Variants in SMARCC1 observed in about 807,000 individuals in gnomAD.
SMARCC1 encodes SWI/SNF complex subunit SMARCC1.
SMARCC1 carries 43 observed loss-of-function variants against 147.4 expected under a neutral mutation model. The observed-to-expected ratio is 0.29, with a 90% CI of 0.23 to 0.38. The LOEUF is 0.38. Ranked by LOEUF, SMARCC1 falls within the 10% of genes least tolerant of loss-of-function variation. The probability of loss-of-function intolerance (pLI) is 1.00; values close to 1 mark genes in which losing one functional copy is unlikely to be tolerated. For missense variants in SMARCC1, 1,119 were observed against 1,381.1 expected (o/e 0.81, Z 3.01); for synonymous variants, 495 against 484.4 (o/e 1.02, Z -0.29).
intron 5 of SMARCC1, among the ~76,000 whole-genome samples, chr3:47,733,193 G>C (rs1317037154): frequency 6.6e-6 from 1 of 152,206 alleles, no homozygotes; most frequent in African/African-American, 2.4e-5. Context: ...CATAATGTAA[G>C]CACATGCTGT....
intron 26 of SMARCC1, among the ~76,000 whole-genome samples, chr3:47,592,234 T>C (rs1339929156): frequency 2.6e-5 from 4 of 152,254 alleles, no homozygotes; most frequent in Non-Finnish European, 5.9e-5. Flanking sequence ...AAGAGCCAGA[T>C]AGTAAATATT....
intron 21 of SMARCC1, among the ~76,000 whole-genome samples, chr3:47,656,706 G>A (rs910277592): frequency 6.6e-6 from 1 of 152,118 alleles, no homozygotes; most frequent in Non-Finnish European, 1.5e-5. Context: ...CTTGAGCCAA[G>A]GAGTTCGAGA....
chr3:47,670,612 A>C (rs2033482077), intron 19 of SMARCC1, 46 bp downstream of exon 19: 2 of 1,145,610 alleles, frequency 1.7e-6, no homozygotes, highest in African/African-American at 1.5e-5. Context: ...ATAAAATGCT[A>C]GTCAAAGAAT....
intron 26 of SMARCC1, among the ~76,000 whole-genome samples, chr3:47,594,160 CAA>C (rs35893415): frequency 3.0e-5 from 4 of 133,414 alleles, no homozygotes; most frequent in Non-Finnish European, 3.2e-5. Flanking sequence ...AATGAAACTC[CAA>C]AAAAAAAAAA....
intron 1 of SMARCC1, among the ~76,000 whole-genome samples, chr3:47,775,669 G>A (rs188720003): frequency 5.3e-5 from 8 of 151,518 alleles, no homozygotes; most frequent in African/African-American, 1.9e-4. Context: ...CTACTCAGGC[G>A]GCTGAGGGAG....
chr3:47,654,883 TC>T, intron 21 of SMARCC1, among the ~76,000 whole-genome samples: 1 of 152,090 alleles, frequency 6.6e-6, no homozygotes, highest in Non-Finnish European at 1.5e-5. Flanking sequence ...CCCAAACACC[TC>T]CCAACACCAT....
At chr3:47,716,426 A>C (rs1436386279) in intron 7 of SMARCC1, among the ~76,000 whole-genome samples, 2 of 151,228 alleles carry the variant, frequency 1.3e-5, no homozygotes, top group African/African-American at 2.4e-5. Flanking sequence ...AAAAAAAAAA[A>C]AAAAAAAAAA....
intron 7 of SMARCC1, among the ~76,000 whole-genome samples, chr3:47,720,192 C>T (rs1010684524): frequency 2.0e-5 from 3 of 152,134 alleles, no homozygotes; most frequent in African/African-American, 7.2e-5. Context: ...GGCGCAATCT[C>T]GGCTCACTGA....
intron 9 of SMARCC1, among the ~76,000 whole-genome samples, chr3:47,708,346 G>A (rs888207464): frequency 6.6e-6 from 1 of 151,646 alleles, no homozygotes; most frequent in African/African-American, 2.4e-5. Context: ...TTGCCATGTT[G>A]CCCAGGCTAG....
At chr3:47,757,507 TG>T (rs2034714275) in intron 2 of SMARCC1, among the ~76,000 whole-genome samples, 1 of 152,068 alleles carries the variant, frequency 6.6e-6, no homozygotes, top group Admixed American at 6.6e-5. Flanking sequence ...CCAGGTGTGG[TG>T]GCTCATGCCT....
rs202138987 is a variant in SMARCC1 at position 47,590,668 on chromosome 3, G to A, written c.3213C>T (p.Asn1071=). The change falls in exon 27 of 28, where the codon AAC becomes AAT. Residue 1071 remains asparagine (N), a synonymous_variant. Transcript: ENST00000254480. ...LGPRVPLTAP[N]GMYPPPPQQQ... is the part of the protein sequence containing the mutation. The stretch of plus-strand genomic sequence containing the variant: ...CCCCTCCATGTTACTTACACATGCC[G>A]TTAGGTGCTGTCAGGGGTACCCGGG... The A allele has an allele frequency of 1.0e-5, 16 of 1,539,226 alleles. No individual in the cohort carries two copies. The highest frequency in any genetic ancestry group is 4.2e-5 in the African/African-American group (3 of 70,866).
chr3:47,761,583 G>A (rs1232791478), intron 2 of SMARCC1, among the ~76,000 whole-genome samples: 2 of 151,826 alleles, frequency 1.3e-5, no homozygotes, highest in African/African-American at 2.4e-5. Context: ...GGACCTGATG[G>A]ATGATGACAA....
chr3:47,609,682 A>G (rs2032534917), intron 26 of SMARCC1, among the ~76,000 whole-genome samples: 1 of 152,232 alleles, frequency 6.6e-6, no homozygotes, highest in Non-Finnish European at 1.5e-5. Flanking sequence ...TTCCGTAACA[A>G]AAAGTAAAAG....
At chr3:47,734,958 T>C (rs1284820940) in intron 5 of SMARCC1, among the ~76,000 whole-genome samples, 1 of 152,192 alleles carries the variant, frequency 6.6e-6, no homozygotes, top group Non-Finnish European at 1.5e-5. Context: ...AGTTTCACCA[T>C]GTTGGCCAGG....
intron 11 of SMARCC1, among the ~76,000 whole-genome samples, chr3:47,699,957 G>C (rs1325707989): frequency 2.0e-5 from 3 of 151,638 alleles, no homozygotes; most frequent in Non-Finnish European, 1.5e-5. Context: ...GTTTAGGGCA[G>C]GAGAGATGGT....
intron 16 of SMARCC1, among the ~76,000 whole-genome samples, chr3:47,677,190 C>T (rs2033585246): frequency 6.6e-6 from 1 of 152,018 alleles, no homozygotes; most frequent in Admixed American, 6.6e-5. Context: ...TCCTCCGCAT[C>T]CTTGGTTCAA....
intron 16 of SMARCC1, 95 bp downstream of exon 16, chr3:47,678,103 C>A: frequency 1.7e-6 from 1 of 579,722 alleles, no homozygotes; most frequent in Non-Finnish European, 3.0e-6. Context: ...GTGTTTTACC[C>A]AGTTGAAACA....
chr3:47,738,357 A>C (rs562341593), intron 3 of SMARCC1, among the ~76,000 whole-genome samples: 99 of 152,348 alleles, frequency 6.5e-4, no homozygotes, highest in Non-Finnish European at 1.2e-3. Flanking sequence ...AATTTTCCTT[A>C]AATCTAAGAC....
intron 6 of SMARCC1, among the ~76,000 whole-genome samples, chr3:47,725,405 T>C (rs1479780078): frequency 6.6e-6 from 1 of 152,066 alleles, no homozygotes. Flanking sequence ...GCTGCACAAC[T>C]GTAAATATAC....
Sources: gnomAD v4.1 joint callset for allele counts (sites outside exome capture counted in the v4.1 genomes callset) on GRCh38, gnomAD v4.1.1 for gene constraint, MANE v1.5 for transcripts, NCBI Gene and HGNC (gene_info 2026-07-23, HGNC 2026-07-21) for gene names.